Variants in ZBTB17 observed in about 807,000 individuals in gnomAD.
The protein encoded by ZBTB17 is zinc finger and BTB domain containing 17.
A neutral mutation model predicts 85.1 loss-of-function variants in ZBTB17; 24 were observed. That is an observed-to-expected ratio of 0.28 (90% CI 0.20 to 0.40). The LOEUF (loss-of-function observed/expected upper bound fraction) is 0.40. Among genes scored for constraint, ZBTB17 ranks in the 10% least tolerant of loss-of-function variants. The pLI is 1.00. For missense variants in ZBTB17, 743 were observed against 1,105.1 expected, an observed-to-expected ratio of 0.67 and a Z score of 4.65; for synonymous variants, 464 against 460.2, an observed-to-expected ratio of 1.01 and a Z score of -0.11.
At chr1:15,949,261 AG>A (rs2071737487) in intron 2 of ZBTB17, among the ~76,000 whole-genome samples, 1 of 152,222 alleles carries the variant, frequency 6.6e-6, no homozygotes, top group African/African-American at 2.4e-5. Flanking sequence ...GAAAATGCTC[AG>A]GAAAATTCCA....
At chr1:15,970,441 G>GA (rs1209976324) in intron 2 of ZBTB17, among the ~76,000 whole-genome samples, 1 of 151,544 alleles carries the variant, frequency 6.6e-6, no homozygotes, top group Non-Finnish European at 1.5e-5. Context: ...ACCTAAGCTA[G>GA]AATGCAGTGG....
chr1:15,962,370 C>T (rs1187941789), intron 2 of ZBTB17, among the ~76,000 whole-genome samples: 1 of 152,176 alleles, frequency 6.6e-6, no homozygotes, highest in Non-Finnish European at 1.5e-5. Context: ...AACTCACGGG[C>T]TGGTTGCTTC....
intron 2 of ZBTB17, among the ~76,000 whole-genome samples, chr1:15,969,292 T>C (rs889529535): frequency 2.0e-5 from 3 of 152,090 alleles, no homozygotes; most frequent in African/African-American, 7.2e-5. Flanking sequence ...TGATGGTGAG[T>C]TGTACAATTA....
rs191515037 is a variant in ZBTB17 at position 15,948,992 on chromosome 1, A to G, written c.-2-495T>C. On this transcript the variant is annotated intron_variant, in intron 2 of 15. Coordinates refer to ENST00000375743, the MANE Select transcript of ZBTB17 (RefSeq NM_003443.3). ...TCTCTCATGGACAGGTGAAGACAAG[A>G]CGGTGTTTCATCAGCCAGTGTTGCA... 3.9e-5 allele frequency among the ~76,000 whole-genome samples: 6 copies of G among 152,284 alleles called. No individual in the cohort carries two copies. In the East Asian group the frequency reaches 1.2e-3, roughly 29 times the overall value.
chr1:15,945,242 C>G, intron 6 of ZBTB17, 40 bp from the exon 7 acceptor site: 1 of 1,544,754 alleles, frequency 6.5e-7, no homozygotes. Context: ...GCAGCCCTCT[C>G]TGCCTGAGCG....
intron 2 of ZBTB17, among the ~76,000 whole-genome samples, chr1:15,968,961 C>T (rs1050130637): frequency 1.3e-5 from 2 of 152,228 alleles, no homozygotes; most frequent in African/African-American, 4.8e-5. Context: ...ACTGCTGGTC[C>T]GTGGCCTGTT....
intron 2 of ZBTB17, chr1:15,970,205 A>G (rs559861629): frequency 2.1e-6 from 1 of 485,482 alleles, no homozygotes; most frequent in Non-Finnish European, 3.7e-6. Flanking sequence ...CAAGCTGATA[A>G]ATGTCTAAAT....
At position 15,944,661 on chromosome 1, in the gene ZBTB17, C is replaced by A. The variant is rs12134932; in HGVS notation, c.1070+36G>T. On this transcript the variant is annotated intron_variant, in intron 8 of 15. Coordinates refer to ENST00000375743, the MANE Select transcript of ZBTB17 (RefSeq NM_003443.3). ...CTGGGGCGTGAAAGGCCGGGCCTGG[C>A]AGGGGCCGGGGTAGGAGGCCGGCTT... 0.08 allele frequency: 128,090 copies of A among 1,602,604 alleles called. 5,878 individuals are homozygous for A. Among genetic ancestry groups the A allele is most frequent in the African/African-American group, 0.18 (13,333 of 75,002 alleles).
At position 15,943,910 on chromosome 1, in the gene ZBTB17, G is replaced by A. The variant is rs780664863; in HGVS notation, c.1372-15C>T. On this transcript the variant is annotated splice_polypyrimidine_tract_variant and intron_variant, in intron 9 of 15. Coordinates refer to ENST00000375743, the MANE Select transcript of ZBTB17 (RefSeq NM_003443.3). ...AGGTTCCCTACCTGTGCCCAGGGAGGGGTCAGGGGGGCCACCCCACAGAGC... is the reference window on the plus strand; with the variant it reads ...AGGTTCCCTACCTGTGCCCAGGGAGAGGTCAGGGGGGCCACCCCACAGAGC... 2 of 1,578,952 alleles carry A rather than the reference G, an allele frequency of 1.3e-6. No individual in the cohort carries two copies. The highest frequency in any genetic ancestry group is 2.7e-5 in the African/African-American group (2 of 74,060).
At chr1:15,963,080 T>G (rs962288585) in intron 2 of ZBTB17, among the ~76,000 whole-genome samples, 2 of 152,130 alleles carry the variant, frequency 1.3e-5, no homozygotes, top group Non-Finnish European at 2.9e-5. Context: ...CTGGGCAAGA[T>G]AGTGAGAACC....
intron 13 of ZBTB17, 151 bp from the exon 14 acceptor site, chr1:15,942,889 A>T: frequency 7.6e-7 from 1 of 1,322,816 alleles, no homozygotes; most frequent in Admixed American, 2.3e-5. Context: ...TGACACTGGC[A>T]CCTCTGGAAG....
chr1:15,944,120 G>T, intron 9 of ZBTB17, 180 bp downstream of exon 9: 1 of 1,112,792 alleles, frequency 9.0e-7, no homozygotes, highest in Non-Finnish European at 1.3e-6. Flanking sequence ...CCTGCCCTCC[G>T]CAGAGCAACC....
At position 15,951,582 on chromosome 1, in the gene ZBTB17, CCT is replaced by C. The variant is rs1301221668; in HGVS notation, c.-2-3087_-2-3086del. On this transcript the variant is annotated intron_variant, in intron 2 of 15. Transcript: ENST00000375743. This position sits in a 1 kb window ranked among gnomAD's most constrained non-coding sequence, Gnocchi z 4.1. ...CCCCAGCCGGGAAGCTTTAACAGCC[CCT>C]CTCTCAAGGCCCGTGGCGAGACGGA... Among the ~76,000 whole-genome samples the C allele has an allele frequency of 6.6e-6, 1 of 152,130 alleles. No individual in the cohort carries two copies. Among genetic ancestry groups the C allele is most frequent in the Non-Finnish European group, 1.5e-5 (1 of 68,022 alleles).
intron 2 of ZBTB17, among the ~76,000 whole-genome samples, chr1:15,960,345 T>G (rs1216895359): frequency 1.3e-5 from 2 of 152,326 alleles, no homozygotes; most frequent in East Asian, 3.9e-4. Flanking sequence ...TCATTACATA[T>G]AAACCCAAGC....
chr1:15,942,105 G>C lies in ZBTB17; in HGVS notation c.2276C>G (p.Pro759Arg). 1 of 1,613,374 alleles carries C rather than the reference G, an allele frequency of 6.2e-7. No homozygotes were observed. Among genetic ancestry groups the C allele is most frequent in the African/African-American group, 1.3e-5 (1 of 75,062 alleles). Residue 759 changes from proline (P) to arginine (R), a missense_variant, in exon 16 of 16, where the codon CCA becomes CGA. By Grantham distance (103) the Pro-to-Arg change is moderately radical. Around this residue, in one of 4 missense-constraint regions of ZBTB17, gnomAD observed 69 missense variants for 77.0 expected, o/e 0.90. Transcript: ENST00000375743. Reference protein sequence around the residue: ...TDADFYQQYGPGGTWPAGQVL... With the variant: ...TDADFYQQYGRGGTWPAGQVL... ...CTGCCCGGCAGGCCACGTGCCACCT[G>C]GCCCATACTGCTGATAGAAGTCCGC...
In ZBTB17 at chr1:15,951,905, TC is replaced by T. The variant is rs1322034064; in HGVS notation, c.-2-3409del. 2.0e-5 allele frequency among the ~76,000 whole-genome samples: 3 copies of T among 152,046 alleles called. No individual in the cohort carries two copies. The highest frequency in any genetic ancestry group is 4.4e-5 in the Non-Finnish European group (3 of 67,988). On this transcript the variant is annotated intron_variant, in intron 2 of 15. Transcript: ENST00000375743. The surrounding 1 kb of genome is among the most constrained non-coding windows in gnomAD (Gnocchi z 4.1). ...AGTAATCAGATCAACAGCCAGCTGC[TC>T]CCCATCGCCCCCAGATGTGCGGGAA...
chr1:15,943,404 G>A lies in ZBTB17; in HGVS notation c.1692C>T (p.Gly564=). 6.3e-7 allele frequency: 1 copy of A among 1,597,054 alleles called. No homozygotes were observed. The highest frequency in any genetic ancestry group is 8.5e-7 in the Non-Finnish European group (1 of 1,171,176). ...GEKPYVCERC[G]KRFVQSSQLA... is the part of the protein sequence containing the mutation. ...TGTGGGGGAGGGGGCAGGACCTCTTGCCGCAGCGCTCGCAGACGTAGGGCT... is the reference window on the plus strand; with the variant it reads ...TGTGGGGGAGGGGGCAGGACCTCTTACCGCAGCGCTCGCAGACGTAGGGCT... Residue 564 remains glycine (G), a synonymous_variant, in exon 12 of 16, where the codon GGC becomes GGT. Transcript: ENST00000375743.
chr1:15,946,764 G>A (rs1368617288), intron 4 of ZBTB17, among the ~76,000 whole-genome samples, 171 bp downstream of exon 4: 1 of 152,244 alleles, frequency 6.6e-6, no homozygotes, highest in Non-Finnish European at 1.5e-5. Context: ...TGCTCTGTAG[G>A]GGAAAGGCAG....
chr1:15,945,612 G>C (rs1258698674), intron 6 of ZBTB17, 103 bp downstream of exon 6: 2 of 1,506,942 alleles, frequency 1.3e-6, no homozygotes, highest in Non-Finnish European at 1.8e-6. Flanking sequence ...CTCCAGGTGG[G>C]ACTAGCTGGA....
Sources: gnomAD v4.1 joint callset for allele counts (sites outside exome capture counted in the v4.1 genomes callset) on GRCh38, gnomAD v4.1.1 for gene constraint, gnomAD v4.1.1 regional missense constraint, Gnocchi (gnomAD v3.1) non-coding constraint, MANE v1.5 for transcripts, NCBI Gene and HGNC (gene_info 2026-07-23, HGNC 2026-07-21) for gene names.